The following PXN variants were observed in gnomAD, a reference collection of about 807,000 sequenced individuals.
PXN encodes paxillin, also known as testicular tissue protein Li 134.
In PXN, 61 loss-of-function variants were observed where a neutral mutation model predicts 103.6. That is an observed-to-expected ratio of 0.59 (90% CI 0.48 to 0.73). The LOEUF is 0.73. PXN is among the 30% of genes least tolerant of loss of function. The pLI, the probability that PXN is intolerant of heterozygous loss-of-function variation, is 0.00. For missense variants in PXN, 1,274 were observed against 1,460.3 expected, an observed-to-expected ratio of 0.87 and a Z score of 2.08; for synonymous variants, 562 against 607.8, an observed-to-expected ratio of 0.92 and a Z score of 1.11.
Position 120,215,864 on chromosome 12 carries a change from G to T in PXN, c.2302-203C>A. ...AGGGAGAAAGGAAGAAGGACAGGGA[G>T]GGGAGTCGACCAAAGGCAGAGGAAA... On this transcript the variant is annotated intron_variant, in intron 9 of 14. Transcript: ENST00000637617. The surrounding 1 kb of genome is among the most constrained non-coding windows in gnomAD (Gnocchi z 4.9). 1 of 1,314,830 alleles carries T rather than the reference G, an allele frequency of 7.6e-7. No homozygotes were observed. The highest frequency in any genetic ancestry group is 1.0e-6 in the Non-Finnish European group (1 of 1,003,468). 81.4% of individuals were successfully genotyped at this position (1,314,830 alleles called of 1,614,324 possible).
chr12:120,246,857 A>C (rs1056294437), intron 1 of PXN, among the ~76,000 whole-genome samples: 2 of 150,546 alleles, frequency 1.3e-5, no homozygotes, highest in Non-Finnish European at 3.0e-5. Context: ...TCTGTCTTAA[A>C]AAAAAAAAAA....
intron 1 of PXN, among the ~76,000 whole-genome samples, chr12:120,248,454 C>T (rs923129651): frequency 7.9e-5 from 12 of 151,064 alleles, no homozygotes; most frequent in Non-Finnish European, 1.5e-4. Context: ...TCAATTACTG[C>T]ACCCCCAAGC....
At chr12:120,226,139 C>G (rs1333734618) in intron 1 of PXN, 2 of 1,189,252 alleles carry the variant, frequency 1.7e-6, no homozygotes, top group African/African-American at 3.2e-5. Flanking sequence ...CCCACGGCCT[C>G]TCCAGGGCCA....
At chr12:120,226,301 G>T (rs1437582058) in intron 1 of PXN, 1 of 1,289,064 alleles carries the variant, frequency 7.8e-7, no homozygotes, top group East Asian at 5.5e-5. Context: ...ACCCCAGTAG[G>T]GGGCAGGAGC....
Position 120,221,149 on chromosome 12 carries a change from G to C in PXN, c.831+474C>G, listed in dbSNP as rs541010789. On this transcript the variant is annotated intron_variant, in intron 6 of 14. Transcript: ENST00000637617. The surrounding 1 kb of genome is among the most constrained non-coding windows in gnomAD (Gnocchi z 6.6). Reference sequence around the variant, plus strand: ...GTAGCAAGGGAGGCTTGTGGATTCAGGATCAGAGGCAGAAAGAAAGAGGAT... The same window carrying C: ...GTAGCAAGGGAGGCTTGTGGATTCACGATCAGAGGCAGAAAGAAAGAGGAT... Among the ~76,000 whole-genome samples the C allele has an allele frequency of 1.8e-4, 27 of 152,302 alleles. No homozygotes were observed. The highest frequency in any genetic ancestry group is 3.4e-3 in the Middle Eastern group (1 of 294).
intron 1 of PXN, among the ~76,000 whole-genome samples, chr12:120,243,233 C>T (rs988459560): frequency 6.6e-6 from 1 of 152,198 alleles, no homozygotes. Context: ...AGTTTATCTT[C>T]TTCAACGAGA....
At position 120,224,930 on chromosome 12, in the gene PXN, T is replaced by TA; in HGVS notation, c.14-554dup. The TA allele has an allele frequency of 2.8e-6, 1 of 355,276 alleles. No individual in the cohort carries two copies. Among genetic ancestry groups the TA allele is most frequent in the Non-Finnish European group, 5.6e-6 (1 of 178,846 alleles). 22.0% of individuals were successfully genotyped at this position (355,276 alleles called of 1,614,324 possible). A position where few individuals can be genotyped will look rare whatever the true frequency, so the allele number is the denominator to read the frequency against. On this transcript the variant is annotated intron_variant, in intron 1 of 14. Coordinates refer to ENST00000637617, the MANE Select transcript of PXN (RefSeq NM_001385981.1). This position sits in a 1 kb window ranked among gnomAD's most constrained non-coding sequence, Gnocchi z 5.0. ...CAGGTTCCTCCTGAGGCTCTAGGCTTATGGGGTAAGGTGTGCGGGGAGGTG... is the reference window on the plus strand; with the variant it reads ...CAGGTTCCTCCTGAGGCTCTAGGCTTAATGGGGTAAGGTGTGCGGGGAGGTG...
chr12:120,213,954 T>G lies in PXN; in HGVS notation c.2867A>C (p.Lys956Thr). 2 of 1,612,620 alleles carry G rather than the reference T, an allele frequency of 1.2e-6. No individual in the cohort carries two copies. The highest frequency in any genetic ancestry group is 1.7e-6 in the Non-Finnish European group (2 of 1,179,470). The change falls in exon 14 of 15, where the codon AAG becomes ACG. Residue 956 changes from lysine (K) to threonine (T), a missense_variant. By Grantham distance (78) the Lys-to-Thr change is moderately conservative (BLOSUM62 -1). This residue lies in a region of PXN where 1,178 missense variants were observed against 1,309.0 expected (regional missense o/e 0.90). Coordinates refer to ENST00000637617, the MANE Select transcript of PXN (RefSeq NM_001385981.1). The surrounding 1 kb of genome is among the most constrained non-coding windows in gnomAD (Gnocchi z 4.2). ...GGGTGCGAACATGTCGAAGTAGTCC[T>G]TGCGACAGTAGGCCTTGCCGTCCTT... ...HEKDGKAYCRKDYFDMFAPKC... is the reference protein window; with the variant it reads ...HEKDGKAYCRTDYFDMFAPKC...
At chr12:120,244,573 G>A (rs1041530672) in intron 1 of PXN, among the ~76,000 whole-genome samples, 16 of 151,818 alleles carry the variant, frequency 1.1e-4, no homozygotes, top group African/African-American at 3.6e-4. Context: ...GCGTGAACCC[G>A]GGAGGCGGAG....
At position 120,215,811 on chromosome 12, in the gene PXN, G is replaced by A; in HGVS notation, c.2302-150C>T. The A allele has an allele frequency of 7.8e-7, 1 of 1,283,832 alleles. No individual in the cohort carries two copies. The highest frequency in any genetic ancestry group is 1.0e-6 in the Non-Finnish European group (1 of 972,092). 79.5% of individuals were successfully genotyped at this position (1,283,832 alleles called of 1,614,324 possible). A position where few individuals can be genotyped will look rare whatever the true frequency, so the allele number is the denominator to read the frequency against. On this transcript the variant is annotated intron_variant, in intron 9 of 14. Coordinates refer to ENST00000637617, the MANE Select transcript of PXN (RefSeq NM_001385981.1). The surrounding 1 kb of genome is among the most constrained non-coding windows in gnomAD (Gnocchi z 4.9). Reference sequence around the variant, plus strand: ...GACCAAAATTGGGGGAAAAAATCTGGAGAAAAAGAGCCCTGAGAGAGAGGC... The same window carrying A: ...GACCAAAATTGGGGGAAAAAATCTGAAGAAAAAGAGCCCTGAGAGAGAGGC...
In PXN at chr12:120,212,163, C is replaced by A; in HGVS notation, c.*151G>T. On this transcript the variant is annotated 3_prime_UTR_variant, in exon 15 of 15. Transcript: ENST00000637617. The surrounding 1 kb of genome is among the most constrained non-coding windows in gnomAD (Gnocchi z 7.2). ...GGGGTGAAGACAAGCAGGGGGACCC[C>A]TCACGGCCCTCTGTCCATCCCGCAC... is the stretch of plus-strand genomic sequence containing the variant. 8.3e-7 allele frequency: 1 copy of A among 1,204,654 alleles called. No individual in the cohort carries two copies. Among genetic ancestry groups the A allele is most frequent in the African/African-American group, 1.5e-5 (1 of 66,560 alleles). The allele number at this position is 1,204,654 out of a possible 1,614,324, so 74.6% of individuals were successfully genotyped here. A position where few individuals can be genotyped will look rare whatever the true frequency, so the allele number is the denominator to read the frequency against.
In PXN at chr12:120,212,744, T is replaced by C; in HGVS notation, c.2980-164A>G. ...CTAAACGCTCATTTTTCATTTTTAT[T>C]TTATTAAATAAATTTTTTTTGTAGA... On this transcript the variant is annotated intron_variant, in intron 14 of 14. Coordinates refer to ENST00000637617, the MANE Select transcript of PXN (RefSeq NM_001385981.1). This position sits in a 1 kb window ranked among gnomAD's most constrained non-coding sequence, Gnocchi z 7.2. The C allele has an allele frequency of 1.3e-6, 1 of 748,814 alleles. No individual in the cohort carries two copies. The highest frequency in any genetic ancestry group is 2.0e-6 in the Non-Finnish European group (1 of 504,632). 46.4% of individuals were successfully genotyped at this position (748,814 alleles called of 1,614,324 possible). A position where few individuals can be genotyped will look rare whatever the true frequency, so the allele number is the denominator to read the frequency against.
Position 120,221,834 on chromosome 12 carries a change from C to A in PXN, c.696-76G>T, listed in dbSNP as rs1267822146. ...TCCCGGGGATCAGATCGACCTCTCA[C>A]CTCGGACACTGGGGTCTCACCATCC... is the stretch of plus-strand genomic sequence containing the variant. On this transcript the variant is annotated intron_variant, in intron 5 of 14. Coordinates refer to ENST00000637617, the MANE Select transcript of PXN (RefSeq NM_001385981.1). This position sits in a 1 kb window ranked among gnomAD's most constrained non-coding sequence, Gnocchi z 6.6. 1 of 1,481,062 alleles carries A rather than the reference C, an allele frequency of 6.8e-7. No homozygotes were observed. The highest frequency in any genetic ancestry group is 2.5e-5 in the East Asian group (1 of 39,668). The allele number at this position is 1,481,062 out of a possible 1,614,324, so 91.7% of individuals were successfully genotyped here.
Position 120,212,833 on chromosome 12 carries a change from G to T in PXN, c.2980-253C>A. On this transcript the variant is annotated intron_variant, in intron 14 of 14. Transcript: ENST00000637617. This position sits in a 1 kb window ranked among gnomAD's most constrained non-coding sequence, Gnocchi z 7.2. ...TGGCCTCCTGCAATCCTCCCACCTC[G>T]GCCTCCCACAGGGCTGGGATTATTT... 1 of 398,064 alleles carries T rather than the reference G, an allele frequency of 2.5e-6. No homozygotes were observed. The highest frequency in any genetic ancestry group is 4.3e-5 in the South Asian group (1 of 23,344). 24.7% of individuals were successfully genotyped at this position (398,064 alleles called of 1,614,324 possible).
Position 120,265,512 on chromosome 12 carries a change from G to T in PXN, c.13+105C>A. On this transcript the variant is annotated intron_variant, in intron 1 of 14. Coordinates refer to ENST00000637617, the MANE Select transcript of PXN (RefSeq NM_001385981.1). The surrounding 1 kb of genome is among the most constrained non-coding windows in gnomAD (Gnocchi z 5.7). ...GGCAGGGACAGGAGCTGAGGCCGGG[G>T]CCGCCGAGGGTGGGATCCCGCGGCC... 7.6e-7 allele frequency: 1 copy of T among 1,308,010 alleles called. No individual in the cohort carries two copies. Among genetic ancestry groups the T allele is most frequent in the Non-Finnish European group, 9.9e-7 (1 of 1,005,604 alleles). 81.0% of individuals were successfully genotyped at this position (1,308,010 alleles called of 1,614,324 possible). A position where few individuals can be genotyped will look rare whatever the true frequency, so the allele number is the denominator to read the frequency against.
At chr12:120,251,879 C>T (rs920970364) in intron 1 of PXN, among the ~76,000 whole-genome samples, 1 of 152,102 alleles carries the variant, frequency 6.6e-6, no homozygotes, top group African/African-American at 2.4e-5. Flanking sequence ...CCAAACCCTC[C>T]ACCCCAGGAG....
intron 1 of PXN, among the ~76,000 whole-genome samples, chr12:120,233,946 G>C (rs1217912178): frequency 6.6e-6 from 1 of 152,178 alleles, no homozygotes; most frequent in African/African-American, 2.4e-5. Flanking sequence ...CCAGGGGACA[G>C]ATGGAAGCCA....
At chr12:120,232,198 T>A (rs1374065995) in intron 1 of PXN, among the ~76,000 whole-genome samples, 1 of 152,176 alleles carries the variant, frequency 6.6e-6, no homozygotes, top group Non-Finnish European at 1.5e-5. Flanking sequence ...TTAAAAACTT[T>A]TTTGTAGAGA....
At chr12:120,230,228 T>G (rs992257331) in intron 1 of PXN, among the ~76,000 whole-genome samples, 1 of 152,212 alleles carries the variant, frequency 6.6e-6, no homozygotes, top group South Asian at 2.1e-4. Context: ...CGGGCTGCCA[T>G]AGCACAGGGG....
Sources: allele counts gnomAD v4.1 joint callset (sites outside exome capture counted in the v4.1 genomes callset), GRCh38; gene constraint gnomAD v4.1.1; regional missense constraint gnomAD v4.1.1; non-coding constraint Gnocchi (gnomAD v3.1); transcripts MANE v1.5; gene names NCBI Gene and HGNC (gene_info 2026-07-23, HGNC 2026-07-21).